Variants in CNTN6 observed in about 807,000 individuals in gnomAD.
CNTN6 encodes contactin 6, also known as contactin-6.
In CNTN6, 137 loss-of-function variants were observed where a neutral mutation model predicts 122.8. That is an observed-to-expected ratio of 1.12 (90% CI 0.97 to 1.29). CNTN6 has a LOEUF of 1.29. CNTN6 is among the 50% of genes most tolerant of loss of function. The probability of loss-of-function intolerance (pLI) is 0.00; values close to 1 mark genes in which losing one functional copy is unlikely to be tolerated. For synonymous variants in CNTN6, 570 were observed against 426.0 expected, an observed-to-expected ratio of 1.34 and a Z score of -4.16; for missense variants, 1,634 against 1,223.4, an observed-to-expected ratio of 1.34 and a Z score of -5.01.
chr3:1,261,443 T>A (rs2094844778), intron 4 of CNTN6, among the ~76,000 whole-genome samples: 1 of 152,158 alleles, frequency 6.6e-6, no homozygotes, highest in South Asian at 2.1e-4. Context: ...TAGCCCAGCA[T>A]AGGCCAAGGA....
rs941529157 is a variant in CNTN6, at chr3:1,297,780, C to T, written c.659-109C>T. 1.1e-5 allele frequency: 9 copies of T among 855,880 alleles called. No individual in the cohort carries two copies. In the African/African-American group the frequency reaches 1.6e-4, roughly 15 times the overall value. 53.0% of individuals were successfully genotyped at this position (855,880 alleles called of 1,614,324 possible). A position where few individuals can be genotyped will look rare whatever the true frequency, so the allele number is the denominator to read the frequency against. On this transcript the variant is annotated intron_variant, in intron 6 of 22. Coordinates refer to ENST00000446702, the MANE Select transcript of CNTN6 (RefSeq NM_001289080.2). ...TATGTATCCAATTCTTAACTGAAAA[C>T]CCTAACTCTTATTAAGAAGAAATAA...
chr3:1,243,137 G>T (rs1575387319), intron 4 of CNTN6, among the ~76,000 whole-genome samples: 1 of 152,172 alleles, frequency 6.6e-6, no homozygotes, highest in East Asian at 1.9e-4. Flanking sequence ...AGTTCCAGGG[G>T]CTCTGGGAGT....
chr3:1,231,208 TTAATA>T (rs1276152698), intron 4 of CNTN6, among the ~76,000 whole-genome samples: 2 of 152,150 alleles, frequency 1.3e-5, no homozygotes, highest in African/African-American at 4.8e-5. Flanking sequence ...GATTAAACAT[TTAATA>T]TGAGATTGCC....
intron 1 of CNTN6, among the ~76,000 whole-genome samples, chr3:1,107,513 C>T (rs1326242888): frequency 6.6e-6 from 1 of 152,050 alleles, no homozygotes; most frequent in Non-Finnish European, 1.5e-5. Context: ...AACCTTTCCT[C>T]CTTAAAATTA....
At chr3:1,211,130 G>C (rs1034573719) in intron 2 of CNTN6, among the ~76,000 whole-genome samples, 1 of 152,136 alleles carries the variant, frequency 6.6e-6, no homozygotes, top group African/African-American at 2.4e-5. Flanking sequence ...AGACTTCTGC[G>C]GTAGAAGATA....
intron 2 of CNTN6, among the ~76,000 whole-genome samples, chr3:1,178,319 T>C (rs114840663): frequency 0.01 from 1,596 of 152,296 alleles, 27 homozygotes; most frequent in African/African-American, 0.037. Flanking sequence ...AATTCCTTAA[T>C]GACATCTTCA....
intron 7 of CNTN6, among the ~76,000 whole-genome samples, chr3:1,305,648 A>T (rs968579107): frequency 6.6e-6 from 1 of 151,850 alleles, no homozygotes; most frequent in African/African-American, 2.4e-5. Context: ...GCTTTTATAA[A>T]CAACCAAACA....
intron 4 of CNTN6, among the ~76,000 whole-genome samples, chr3:1,242,953 G>T (rs1225469926): frequency 1.3e-5 from 2 of 151,866 alleles, no homozygotes; most frequent in African/African-American, 2.4e-5. Flanking sequence ...ATGTGGAGTG[G>T]GTAGCCTCCG....
intron 10 of CNTN6, 126 bp from the exon 11 acceptor site, chr3:1,329,659 G>T (rs1179888765): frequency 1.4e-6 from 1 of 732,378 alleles, no homozygotes; most frequent in East Asian, 2.9e-5. Context: ...AACACCTTGA[G>T]CAAAGTAACC....
intron 12 of CNTN6, among the ~76,000 whole-genome samples, chr3:1,357,743 C>G (rs900795684): frequency 1.1e-4 from 16 of 151,692 alleles, no homozygotes; most frequent in Admixed American, 7.2e-4. Flanking sequence ...AATACCGCAG[C>G]CTTCATTCAT....
At chr3:1,387,652 C>T (rs9831132) in intron 20 of CNTN6, among the ~76,000 whole-genome samples, 3 of 151,998 alleles carry the variant, frequency 2.0e-5, no homozygotes, top group African/African-American at 4.8e-5. Flanking sequence ...CTGAGGTACC[C>T]GGTTCATCTC....
chr3:1,125,802 G>T (rs921144009), intron 1 of CNTN6, among the ~76,000 whole-genome samples: 2 of 151,698 alleles, frequency 1.3e-5, no homozygotes, highest in African/African-American at 4.8e-5. Flanking sequence ...TTCTAATGAT[G>T]ATATGACAAC....
At chr3:1,338,091 C>T (rs909539797) in intron 11 of CNTN6, among the ~76,000 whole-genome samples, 2 of 152,264 alleles carry the variant, frequency 1.3e-5, no homozygotes, top group Non-Finnish European at 2.9e-5. Flanking sequence ...TGGCCTATTA[C>T]TGCTGTAGTC....
intron 7 of CNTN6, among the ~76,000 whole-genome samples, chr3:1,299,044 T>C (rs1696762083): frequency 6.6e-6 from 1 of 152,226 alleles, no homozygotes; most frequent in South Asian, 2.1e-4. Context: ...TTAGTTTGTT[T>C]TCTATAGATG....
chr3:1,367,368 A>G (rs1316332815), intron 12 of CNTN6, among the ~76,000 whole-genome samples: 1 of 151,814 alleles, frequency 6.6e-6, no homozygotes, highest in South Asian at 2.1e-4. Context: ...ACTCTCTACT[A>G]TGTAAGAATA....
intron 1 of CNTN6, among the ~76,000 whole-genome samples, chr3:1,125,084 G>T (rs552506177): frequency 3.9e-5 from 6 of 152,024 alleles, no homozygotes; most frequent in African/African-American, 1.4e-4. Flanking sequence ...GGAACATTCA[G>T]GAAATGTGAT....
chr3:1,347,345 T>A (rs562846150), intron 11 of CNTN6, among the ~76,000 whole-genome samples: 5 of 152,270 alleles, frequency 3.3e-5, no homozygotes, highest in African/African-American at 1.2e-4. Flanking sequence ...GTTTGGTAAT[T>A]TGGGGAAAAT....
At position 1,291,345 on chromosome 3, in the gene CNTN6, G is replaced by C. The variant is rs182791039; in HGVS notation, c.455-4256G>C. On this transcript the variant is annotated intron_variant, in intron 5 of 22. Coordinates refer to ENST00000446702, the MANE Select transcript of CNTN6 (RefSeq NM_001289080.2). ...ACCACATGTAGGAATAGATTGGCAA[G>C]TTCTAGCAGCTAAGGTAAAAATGAA... 1.6e-4 allele frequency among the ~76,000 whole-genome samples: 25 copies of C among 152,286 alleles called. No homozygotes were observed. The East Asian group carries it at 4.4e-3, about 27-fold the overall frequency.
intron 12 of CNTN6, among the ~76,000 whole-genome samples, chr3:1,355,676 A>G (rs759388579): frequency 1.6e-4 from 25 of 151,834 alleles, no homozygotes; most frequent in African/African-American, 4.6e-4. Context: ...TCAAGCCAAA[A>G]TCAGTGTATA....
Sources: allele counts gnomAD v4.1 joint callset (sites outside exome capture counted in the v4.1 genomes callset), GRCh38; gene constraint gnomAD v4.1.1; transcripts MANE v1.5; gene names NCBI Gene and HGNC (gene_info 2026-07-23, HGNC 2026-07-21).